Variants in ZNF407 observed in about 807,000 individuals in gnomAD.
ZNF407 encodes zinc finger protein 407.
In ZNF407, 17 loss-of-function variants were observed where a neutral mutation model predicts 131.2. The observed-to-expected ratio is 0.13, with a 90% CI of 0.09 to 0.19. The LOEUF (loss-of-function observed/expected upper bound fraction) is 0.19. Ranked by LOEUF, ZNF407 falls within the 10% of genes least tolerant of loss-of-function variation. The probability of loss-of-function intolerance (pLI) is 1.00; values close to 1 mark genes in which losing one functional copy is unlikely to be tolerated. For missense variants in ZNF407, 2,681 were observed against 2,830.6 expected, an observed-to-expected ratio of 0.95 and a Z score of 1.20; for synonymous variants, 1,156 against 1,062.0, an observed-to-expected ratio of 1.09 and a Z score of -1.72.
chr18:74,622,119 T>C (rs1170903311), intron 1 of ZNF407, among the ~76,000 whole-genome samples: 2 of 152,260 alleles, frequency 1.3e-5, no homozygotes, highest in East Asian at 1.9e-4. Context: ...GTGGTCTTTG[T>C]TATGAATGGA....
At chr18:74,664,761 T>C (rs1427148869) in intron 3 of ZNF407, among the ~76,000 whole-genome samples, 5 of 152,104 alleles carry the variant, frequency 3.3e-5, no homozygotes, top group African/African-American at 7.2e-5. Context: ...CCCTCTCTTA[T>C]AGCATAGAAT....
intron 8 of ZNF407, among the ~76,000 whole-genome samples, chr18:75,011,790 G>T (rs1400699595): frequency 1.3e-5 from 2 of 152,074 alleles, no homozygotes; most frequent in African/African-American, 4.8e-5. Flanking sequence ...CTTATAAGGA[G>T]AAATGAAAAA....
intron 6 of ZNF407, among the ~76,000 whole-genome samples, chr18:74,889,246 T>C (rs1193198294): frequency 6.6e-6 from 1 of 151,464 alleles, no homozygotes; most frequent in Non-Finnish European, 1.5e-5. Flanking sequence ...TCTTAGAACC[T>C]GTCCCTGCCA....
chr18:74,726,131 A>G (rs1372169828), intron 3 of ZNF407, among the ~76,000 whole-genome samples: 3 of 152,060 alleles, frequency 2.0e-5, no homozygotes, highest in East Asian at 1.9e-4. Context: ...ATGAGTTGCA[A>G]TCTCTTTTTT....
intron 4 of ZNF407, among the ~76,000 whole-genome samples, chr18:74,850,931 G>T (rs145648757): frequency 1.6e-3 from 250 of 152,242 alleles, no homozygotes; most frequent in Middle Eastern, 0.014. Context: ...TCTCAATAAA[G>T]ATTTCTTAAA....
At chr18:74,739,081 A>G (rs546704555) in intron 3 of ZNF407, among the ~76,000 whole-genome samples, 7 of 151,864 alleles carry the variant, frequency 4.6e-5, no homozygotes, top group Non-Finnish European at 8.8e-5. Context: ...CACAACATGT[A>G]TGTTTTTTTC....
chr18:74,962,686 C>T (rs1473324335), intron 8 of ZNF407, among the ~76,000 whole-genome samples: 1 of 152,252 alleles, frequency 6.6e-6, no homozygotes, highest in Non-Finnish European at 1.5e-5. Context: ...ACCCTCTTCC[C>T]TCTCCTGGTG....
chr18:74,726,523 G>A (rs1287929239), intron 3 of ZNF407, among the ~76,000 whole-genome samples: 3 of 152,134 alleles, frequency 2.0e-5, no homozygotes, highest in Non-Finnish European at 2.9e-5. Context: ...AATGTATTGG[G>A]AAAAATTTTG....
intron 4 of ZNF407, among the ~76,000 whole-genome samples, chr18:74,819,247 CG>C (rs1229953295): frequency 6.6e-6 from 1 of 152,148 alleles, no homozygotes; most frequent in Non-Finnish European, 1.5e-5. Flanking sequence ...CTTGTTATAT[CG>C]GGGCTGAATC....
intron 4 of ZNF407, among the ~76,000 whole-genome samples, chr18:74,796,416 G>A (rs1969920592): frequency 6.6e-6 from 1 of 152,166 alleles, no homozygotes; most frequent in Admixed American, 6.5e-5. Flanking sequence ...GCAGGCAAAT[G>A]CACTTGTTTT....
At chr18:74,638,024 G>T (rs555500) in intron 2 of ZNF407, among the ~76,000 whole-genome samples, 3 of 152,094 alleles carry the variant, frequency 2.0e-5, no homozygotes, top group African/African-American at 7.2e-5. Context: ...CATTTCTCCC[G>T]CATTGGTCTG....
chr18:74,637,466 T>C (rs564189028), intron 2 of ZNF407, among the ~76,000 whole-genome samples: 1 of 152,168 alleles, frequency 6.6e-6, no homozygotes, highest in East Asian at 1.9e-4. Flanking sequence ...AGTTACATCA[T>C]TGATTGTAAC....
chr18:74,670,561 C>G (rs1986102720), intron 3 of ZNF407, among the ~76,000 whole-genome samples: 1 of 152,050 alleles, frequency 6.6e-6, no homozygotes, highest in Non-Finnish European at 1.5e-5. Context: ...AAAAACTATT[C>G]CAAAAAATAA....
At chr18:74,922,277 C>T (rs1454572888) in intron 8 of ZNF407, among the ~76,000 whole-genome samples, 1 of 152,172 alleles carries the variant, frequency 6.6e-6, no homozygotes, top group African/African-American at 2.4e-5. Flanking sequence ...AGGAGCTGCT[C>T]CTAGCAATGG....
chr18:74,818,721 C>G (rs1158692431), intron 4 of ZNF407, among the ~76,000 whole-genome samples: 1 of 152,190 alleles, frequency 6.6e-6, no homozygotes, highest in Non-Finnish European at 1.5e-5. Context: ...TTGTGGCCCT[C>G]TCTGGAGGAC....
intron 4 of ZNF407, among the ~76,000 whole-genome samples, chr18:74,833,524 T>C (rs1459272707): frequency 2.0e-5 from 3 of 152,006 alleles, no homozygotes; most frequent in African/African-American, 7.3e-5. Context: ...TGTAGGTGGA[T>C]AGGCTGGGAA....
intron 3 of ZNF407, among the ~76,000 whole-genome samples, chr18:74,678,278 T>A (rs999117092): frequency 6.6e-6 from 1 of 152,204 alleles, no homozygotes; most frequent in Non-Finnish European, 1.5e-5. Context: ...CATATATTAG[T>A]ACAGTTTGAA....
At chr18:75,040,339 G>T (rs1397096522) in intron 8 of ZNF407, among the ~76,000 whole-genome samples, 1 of 152,104 alleles carries the variant, frequency 6.6e-6, no homozygotes, top group Non-Finnish European at 1.5e-5. Flanking sequence ...CATATAACGA[G>T]AACTTTATTT....
intron 8 of ZNF407, among the ~76,000 whole-genome samples, chr18:74,934,152 C>T (rs542467801): frequency 6.6e-6 from 1 of 152,222 alleles, no homozygotes; most frequent in Admixed American, 6.5e-5. Flanking sequence ...GGAAGTCATT[C>T]TTTCGTCTTG....
Sources: gnomAD v4.1 joint callset for allele counts (sites outside exome capture counted in the v4.1 genomes callset) on GRCh38, gnomAD v4.1.1 for gene constraint, MANE v1.5 for transcripts, NCBI Gene and HGNC (gene_info 2026-07-23, HGNC 2026-07-21) for gene names.